The following HDAC7 variants were observed in gnomAD, a reference collection of about 807,000 sequenced individuals.
HDAC7 encodes histone deacetylase 7A.
Under a neutral mutation model 115.5 loss-of-function variants are expected in HDAC7, and 26 were observed. The observed-to-expected ratio is 0.23, with a 90% CI of 0.16 to 0.31. The LOEUF (loss-of-function observed/expected upper bound fraction) is 0.31, where lower values mean the gene tolerates loss of function less well. Among genes scored for constraint, HDAC7 ranks in the 10% least tolerant of loss-of-function variants. HDAC7 has a pLI of 1.00. For synonymous variants in HDAC7, 564 were observed against 550.9 expected (o/e 1.02, Z -0.33); for missense variants, 1,068 against 1,329.0 (o/e 0.80, Z 3.05).
intron 20 of HDAC7, 33 bp from the exon 21 acceptor site, chr12:47,787,842 C>T: frequency 6.3e-7 from 1 of 1,588,114 alleles, no homozygotes; most frequent in South Asian, 1.1e-5. Flanking sequence ...GACATGAGGA[C>T]AGCAGAGTCC....
At chr12:47,800,222 A>C (rs1379444084) in intron 2 of HDAC7, among the ~76,000 whole-genome samples, 1 of 152,130 alleles carries the variant, frequency 6.6e-6, no homozygotes, top group Non-Finnish European at 1.5e-5. Flanking sequence ...CGAGGCTCGG[A>C]GGTGAAGGGC....
Position 47,795,700 on chromosome 12 carries a change from G to C in HDAC7, c.974C>G (p.Thr325Ser), listed in dbSNP as rs889916997. The C allele has an allele frequency of 4.6e-5, 71 of 1,550,524 alleles. No individual in the cohort carries two copies. The highest frequency in any genetic ancestry group is 1.7e-4 in the Middle Eastern group (1 of 5,978). ...PRGPILGSPH[T>S]PLFLPHGLEP... is the part of the protein sequence containing the mutation. ...CAAGCCATGGGGCAGGAAGAGGGGAGTGTGGGGGCTCCCCAGGATTGGCCC... is the reference window on the plus strand; with the variant it reads ...CAAGCCATGGGGCAGGAAGAGGGGACTGTGGGGGCTCCCCAGGATTGGCCC... The change falls in exon 10 of 26, where the codon ACT (threonine) becomes AGT (serine). Residue 325 changes from threonine to serine, a missense_variant. This residue lies in a region of HDAC7 where 618 missense variants were observed against 701.5 expected (regional missense o/e 0.88). Transcript: ENST00000080059. This position sits in a 1 kb window ranked among gnomAD's most constrained non-coding sequence, Gnocchi z 4.3.
At chr12:47,809,471 A>T (rs894526441) in intron 1 of HDAC7, among the ~76,000 whole-genome samples, 7 of 152,178 alleles carry the variant, frequency 4.6e-5, no homozygotes, top group Admixed American at 3.9e-4. Flanking sequence ...AATAATATTA[A>T]TAATGATCAA....
At position 47,789,356 on chromosome 12, in the gene HDAC7, G is replaced by A. The variant is rs1403160635; in HGVS notation, c.2148-8C>T. 6.2e-7 allele frequency: 1 copy of A among 1,612,948 alleles called. No individual in the cohort carries two copies. The highest frequency in any genetic ancestry group is 8.5e-7 in the Non-Finnish European group (1 of 1,179,218). ...TTGAAGAAGCAGAAGCCCCTGGAAG[G>A]AGAGACAGGTCCTGCCAGCCCATTC... is the stretch of plus-strand genomic sequence containing the variant. On this transcript the variant is annotated splice_region_variant and splice_polypyrimidine_tract_variant and intron_variant, in intron 18 of 25. Transcript: ENST00000080059.
At position 47,793,869 on chromosome 12, in the gene HDAC7, G is replaced by A. The variant is rs1471844137; in HGVS notation, c.1459-281C>T. Among the ~76,000 whole-genome samples, 1 of 152,198 alleles carries A rather than the reference G, an allele frequency of 6.6e-6. No individual in the cohort carries two copies. The highest frequency in any genetic ancestry group is 1.5e-5 in the Non-Finnish European group (1 of 68,040). The stretch of plus-strand genomic sequence containing the variant: ...AACCAGGGGAGGGGCGCTGGATCTT[G>A]TGCTGACCAGGATGTCCTCCTGTCC... On this transcript the variant is annotated intron_variant, in intron 12 of 25. Transcript: ENST00000080059. The surrounding 1 kb of genome is among the most constrained non-coding windows in gnomAD (Gnocchi z 4.5).
intron 1 of HDAC7, among the ~76,000 whole-genome samples, chr12:47,807,889 G>A (rs1944471324): frequency 6.6e-6 from 1 of 152,220 alleles, no homozygotes. Flanking sequence ...TCAGTGCCCT[G>A]CCATATCCCT....
chr12:47,786,954 G>A (rs1168360620), intron 21 of HDAC7, among the ~76,000 whole-genome samples: 1 of 152,260 alleles, frequency 6.6e-6, no homozygotes, highest in Admixed American at 6.5e-5. Flanking sequence ...TGGAGCACCA[G>A]AGGGAATGAA....
chr12:47,795,994 C>T lies in HDAC7; in HGVS notation c.818G>A (p.Arg273Gln), dbSNP rs540425180. 9 of 1,549,536 alleles carry T rather than the reference C, an allele frequency of 5.8e-6. No individual in the cohort carries two copies. The African/African-American group carries it at 8.2e-5, about 14-fold the overall frequency. Residue 273 changes from arginine (R) to glutamine (Q), a missense_variant, in exon 9 of 26, where the codon CGG becomes CAG. Coordinates refer to ENST00000080059, the MANE Select transcript of HDAC7 (RefSeq NM_015401.5). This position sits in a 1 kb window ranked among gnomAD's most constrained non-coding sequence, Gnocchi z 4.3. ...GSEALLGQRL[R>Q]LQETSVAPFA... ...CGGGGCCACAGAAGTCTCCTGCAGC[C>T]GCAGCCGCTGGCCCAAGAGCGCCTG...
intron 1 of HDAC7, among the ~76,000 whole-genome samples, chr12:47,813,991 G>A (rs1249917184): frequency 6.6e-6 from 1 of 152,230 alleles, no homozygotes; most frequent in Non-Finnish European, 1.5e-5. Flanking sequence ...CCAAGTTGCT[G>A]ATGTGAAAGT....
chr12:47,802,315 G>A (rs1421060658), intron 1 of HDAC7, 41 bp from the exon 2 acceptor site: 1 of 1,598,854 alleles, frequency 6.3e-7, no homozygotes, highest in Non-Finnish European at 8.6e-7. Context: ...GCAGGGAGGG[G>A]TGAGGAGAGG....
chr12:47,818,431 GAGA>G (rs1378404571), intron 1 of HDAC7, among the ~76,000 whole-genome samples: 1 of 152,244 alleles, frequency 6.6e-6, no homozygotes, highest in Non-Finnish European at 1.5e-5. Context: ...AATGACTGCA[GAGA>G]AGAAGAAAAT....
intron 7 of HDAC7, 24 bp from the exon 8 acceptor site, chr12:47,796,322 G>T: frequency 6.4e-7 from 1 of 1,561,840 alleles, no homozygotes; most frequent in South Asian, 1.2e-5. Context: ...AGAGAGGGAA[G>T]TGCAGTCAGA....
chr12:47,789,584 AAAAG>A lies in HDAC7; in HGVS notation c.2092-10_2092-7del. 1 of 1,614,110 alleles carries A rather than the reference AAAAG, an allele frequency of 6.2e-7. No individual in the cohort carries two copies. The highest frequency in any genetic ancestry group is 8.5e-7 in the Non-Finnish European group (1 of 1,179,990). On this transcript the variant is annotated splice_polypyrimidine_tract_variant and splice_region_variant and intron_variant, in intron 17 of 25. Transcript: ENST00000080059. ...CGCACCACAGCGAAACCATTCTGGAAAAAGAAAGAATGCTTGTCAATCAACAGAC... is the reference window on the plus strand; with the variant it reads ...CGCACCACAGCGAAACCATTCTGGAAAAAGAATGCTTGTCAATCAACAGAC...
chr12:47,791,086 C>A, intron 16 of HDAC7, 173 bp downstream of exon 16: 1 of 669,734 alleles, frequency 1.5e-6, no homozygotes. Context: ...CCGAGACACG[C>A]CTGTCCAAAA....
At chr12:47,786,326 T>C (rs770704104) in intron 22 of HDAC7, among the ~76,000 whole-genome samples, 4 of 152,204 alleles carry the variant, frequency 2.6e-5, no homozygotes, top group African/African-American at 4.8e-5. Flanking sequence ...GCTTCCTGCC[T>C]ACTGGACTTA....
At chr12:47,800,767 G>C (rs1306750125) in intron 2 of HDAC7, among the ~76,000 whole-genome samples, 1 of 152,230 alleles carries the variant, frequency 6.6e-6, no homozygotes, top group Non-Finnish European at 1.5e-5. Context: ...GCCACATACG[G>C]ACTGTGAGCA....
rs1565808046 is a variant in HDAC7, at chr12:47,795,392, C to CG, written c.1088-13dup. The stretch of plus-strand genomic sequence containing the variant: ...CCCAAGCCCGGGCACTGGAAAGAAT[C>CG]GGGGGGTGGAATAAGGAGGGAACCA... On this transcript the variant is annotated splice_polypyrimidine_tract_variant and intron_variant, in intron 10 of 25. Transcript: ENST00000080059. This position sits in a 1 kb window ranked among gnomAD's most constrained non-coding sequence, Gnocchi z 4.3. The CG allele has an allele frequency of 3.9e-6, 6 of 1,554,744 alleles. No homozygotes were observed. Among genetic ancestry groups the CG allele is most frequent in the Non-Finnish European group, 5.2e-6 (6 of 1,154,492 alleles).
At chr12:47,791,165 G>C in intron 16 of HDAC7, 94 bp downstream of exon 16, 1 of 1,218,254 alleles carries the variant, frequency 8.2e-7, no homozygotes, top group South Asian at 1.3e-5. Flanking sequence ...ACCACAACAA[G>C]CAGAGGTTCT....
At chr12:47,785,994 A>T in intron 22 of HDAC7, 109 bp from the exon 23 acceptor site, 1 of 1,108,028 alleles carries the variant, frequency 9.0e-7, no homozygotes, top group East Asian at 2.6e-5. Context: ...AATGACTCAC[A>T]TGTATCAATC....
Sources: gnomAD v4.1 joint callset for allele counts (sites outside exome capture counted in the v4.1 genomes callset) on GRCh38, gnomAD v4.1.1 for gene constraint, gnomAD v4.1.1 regional missense constraint, Gnocchi (gnomAD v3.1) non-coding constraint, MANE v1.5 for transcripts, NCBI Gene and HGNC (gene_info 2026-07-23, HGNC 2026-07-21) for gene names.